JAKMIP3: variants seen among roughly 807,000 people sequenced by gnomAD.
JAKMIP3 encodes Janus kinase and microtubule interacting protein 3.
JAKMIP3 carries 58 observed loss-of-function variants against 118.5 expected under a neutral mutation model. That is an observed-to-expected ratio of 0.49 (90% confidence interval 0.40 to 0.61). The LOEUF is 0.61. JAKMIP3 is among the 20% of genes least tolerant of loss of function. The probability of loss-of-function intolerance (pLI) is 0.00; values close to 1 mark genes in which losing one functional copy is unlikely to be tolerated. For synonymous variants in JAKMIP3, 486 were observed against 451.2 expected, an observed-to-expected ratio of 1.08 and a Z score of -0.98; for missense variants, 950 against 1,109.0, an observed-to-expected ratio of 0.86 and a Z score of 2.04.
At chr10:132,069,695 A>T (rs945636187) in intron 1 of JAKMIP3, among the ~76,000 whole-genome samples, 2 of 152,248 alleles carry the variant, frequency 1.3e-5, no homozygotes, top group Non-Finnish European at 2.9e-5. Context: ...AGCCTGCAGC[A>T]TGGCTCTGGT....
At chr10:132,133,186 G>A in intron 3 of JAKMIP3, 126 bp from the exon 4 acceptor site, 1 of 816,878 alleles carries the variant, frequency 1.2e-6, no homozygotes, top group Non-Finnish European at 2.0e-6. Context: ...CCTGCTCTTA[G>A]TCCAGGATGC....
At chr10:132,092,836 G>C (rs1278793519) in intron 1 of JAKMIP3, among the ~76,000 whole-genome samples, 3 of 152,218 alleles carry the variant, frequency 2.0e-5, no homozygotes, top group African/African-American at 7.2e-5. Flanking sequence ...TGGAGGGGGA[G>C]AGGCGCTCTG....
chr10:132,104,161 C>G (rs545047143), intron 1 of JAKMIP3, among the ~76,000 whole-genome samples: 1 of 152,304 alleles, frequency 6.6e-6, no homozygotes, highest in African/African-American at 2.4e-5. Flanking sequence ...TGGCAGCTAC[C>G]TGGATTGTGC....
rs112498492 is a variant in JAKMIP3 at position 132,145,041 on chromosome 10, G to A, written c.1603-66G>A. 3.6e-5 allele frequency: 49 copies of A among 1,355,196 alleles called. No individual in the cohort carries two copies. The African/African-American group carries it at 4.0e-4, about 11-fold the overall frequency. The allele number at this position is 1,355,196 out of a possible 1,614,324, so 83.9% of individuals were successfully genotyped here. ...AAGACAGACCCTTCTGACGTCCCAC[G>A]AGTGTGTGTGCTGTCTGTCCCAGCT... is the stretch of plus-strand genomic sequence containing the variant. On this transcript the variant is annotated intron_variant, in intron 11 of 23. Coordinates refer to ENST00000684848, the MANE Select transcript of JAKMIP3 (RefSeq NM_001323087.2).
At chr10:132,119,766 T>C (rs749845689) in intron 3 of JAKMIP3, among the ~76,000 whole-genome samples, 1 of 152,250 alleles carries the variant, frequency 6.6e-6, no homozygotes, top group Non-Finnish European at 1.5e-5. Context: ...TTAACCAAAC[T>C]GTTCAAGGGT....
At chr10:132,173,204 C>G (rs1327900823) in intron 23 of JAKMIP3, among the ~76,000 whole-genome samples, 1 of 78,680 alleles carries the variant, frequency 1.3e-5, no homozygotes, top group East Asian at 3.5e-4. Context: ...CTCTCCCCCC[C>G]TCCTTCCCTC....
At chr10:132,145,443 GC>G in intron 12 of JAKMIP3, 74 bp from the exon 13 acceptor site, 1 of 1,358,362 alleles carries the variant, frequency 7.4e-7, no homozygotes, top group East Asian at 2.5e-5. Flanking sequence ...TTGGTGTTCT[GC>G]CACATCACGA....
At chr10:132,039,405 C>A (rs1267699602) in intron 1 of JAKMIP3, among the ~76,000 whole-genome samples, 1 of 150,254 alleles carries the variant, frequency 6.7e-6, no homozygotes, top group East Asian at 2.0e-4. Context: ...CCCCCCATAC[C>A]TGCAACCCCC....
rs560491319 is a variant in JAKMIP3, at chr10:132,056,607, G to A, written c.-138+19869G>A. 2.0e-5 allele frequency among the ~76,000 whole-genome samples: 3 copies of A among 152,336 alleles called. No individual in the cohort carries two copies. The South Asian group carries it at 6.2e-4, about 32-fold the overall frequency. ...CCACGAGGGCCATCGGACTTGGGCA[G>A]TGTGCGCTGGGTTGAAAGCGAGGCA... On this transcript the variant is annotated intron_variant, in intron 1 of 23. Coordinates refer to the JAKMIP3 transcript ENST00000657785.
intron 3 of JAKMIP3, 121 bp from the exon 4 acceptor site, chr10:132,133,191 G>T: frequency 1.2e-6 from 1 of 844,660 alleles, no homozygotes; most frequent in Non-Finnish European, 1.9e-6. Flanking sequence ...TCTTAGTCCA[G>T]GATGCTTCGC....
intron 1 of JAKMIP3, among the ~76,000 whole-genome samples, chr10:132,048,214 C>G (rs1448905143): frequency 6.6e-6 from 1 of 152,234 alleles, no homozygotes; most frequent in Non-Finnish European, 1.5e-5. Flanking sequence ...AAGGGGCTTC[C>G]TTTTGGGAAG....
intron 1 of JAKMIP3, among the ~76,000 whole-genome samples, chr10:132,100,963 C>T (rs2044797462): frequency 6.6e-6 from 1 of 152,156 alleles, no homozygotes; most frequent in African/African-American, 2.4e-5. Context: ...ACCATCCCTG[C>T]TCGTTTTCAT....
intron 3 of JAKMIP3, among the ~76,000 whole-genome samples, chr10:132,123,322 G>A (rs1422331132): frequency 1.3e-5 from 2 of 152,278 alleles, no homozygotes; most frequent in Admixed American, 6.5e-5. Context: ...CGCTCAGCGC[G>A]TTTGCTAAAA....
chr10:132,159,806 C>T (rs145494966), intron 19 of JAKMIP3, among the ~76,000 whole-genome samples: 508 of 16,072 alleles, frequency 0.032, 1 homozygote, highest in Middle Eastern at 0.11. Context: ...GGGGGCCTCT[C>T]GCTGTGTGAT....
At chr10:132,161,839 TA>T (rs1187180638) in intron 19 of JAKMIP3, among the ~76,000 whole-genome samples, 2 of 87,492 alleles carry the variant, frequency 2.3e-5, no homozygotes, top group African/African-American at 8.7e-5. Context: ...TGGGTGAAGC[TA>T]GGGGGTCTTT....
In JAKMIP3 at chr10:132,150,169, A is replaced by G. The variant is rs1001534068; in HGVS notation, c.2007+128A>G. The G allele has an allele frequency of 5.3e-5, 36 of 680,894 alleles. No homozygotes were observed. The African/African-American group carries it at 6.5e-4, about 12-fold the overall frequency. 42.2% of individuals were successfully genotyped at this position (680,894 alleles called of 1,614,324 possible). ...TGGGCCACCCTGCCTGAGACCCTCC[A>G]CTAGGCCCAGAGCCTGCTCAGAATC... On this transcript the variant is annotated intron_variant, in intron 16 of 23. Transcript: ENST00000684848.
chr10:132,140,453 G>A lies in JAKMIP3; in HGVS notation c.1347G>A (p.Pro449=), dbSNP rs558643590. ...ACACGTCGCATTTTGGTCACAAGCCGGTGGTTGTGGAGACCTTCTTTGGAT... is the reference window on the plus strand; with the variant it reads ...ACACGTCGCATTTTGGTCACAAGCCAGTGGTTGTGGAGACCTTCTTTGGAT... ...QRKKMAKLPK[P]VVVETFFGYD... The change falls in exon 10 of 24, where the codon CCG becomes CCA. Residue 449 remains proline (P), a splice_region_variant and synonymous_variant. Coordinates refer to ENST00000684848, the MANE Select transcript of JAKMIP3 (RefSeq NM_001323087.2). 24 of 1,613,748 alleles carry A rather than the reference G, an allele frequency of 1.5e-5. No individual in the cohort carries two copies. Among genetic ancestry groups the A allele is most frequent in the Middle Eastern group, 1.7e-4 (1 of 6,060 alleles).
rs1338562787 is a variant in JAKMIP3 at position 132,159,580 on chromosome 10, G to GTGTGATGCTGGGGGCATGTCTTCCTA, written c.2221-3614_2221-3589dup. On this transcript the variant is annotated intron_variant, in intron 19 of 23. Coordinates refer to ENST00000684848, the MANE Select transcript of JAKMIP3 (RefSeq NM_001323087.2). ...TGATGCTGGGGGGGCGTGTCTCCCT[G>GTGTGATGCTGGGGGCATGTCTTCCTA]TGTGATGCTGGGGGCATGTCTTCCT... Among the ~76,000 whole-genome samples the GTGTGATGCTGGGGGCATGTCTTCCTA allele has an allele frequency of 6.6e-4, 80 of 121,294 alleles. 2 individuals are homozygous for GTGTGATGCTGGGGGCATGTCTTCCTA. The highest frequency in any genetic ancestry group is 2.5e-3 in the African/African-American group (76 of 30,716). The allele number at this position is 121,294 out of a possible 152,430, so 79.6% of individuals were successfully genotyped here.
rs1280097077 is a variant in JAKMIP3 at position 132,179,786 on chromosome 10, G to A, written c.*1104-2571G>A. The stretch of plus-strand genomic sequence containing the variant: ...ACCACAACAGCCACACCATGGCACA[G>A]CCACACCATTATCGCAGCCCTATAA... On this transcript the variant is annotated intron_variant, in intron 23 of 23. Coordinates refer to ENST00000684848, the MANE Select transcript of JAKMIP3 (RefSeq NM_001323087.2). This position sits in a 1 kb window ranked among gnomAD's most constrained non-coding sequence, Gnocchi z 4.3. 2.0e-4 allele frequency among the ~76,000 whole-genome samples: 31 copies of A among 152,162 alleles called. No individual in the cohort carries two copies. Among genetic ancestry groups the A allele is most frequent in the Non-Finnish European group, 4.4e-5 (3 of 68,038 alleles).
Sources: gnomAD v4.1 joint callset for allele counts (sites outside exome capture counted in the v4.1 genomes callset) on GRCh38, gnomAD v4.1.1 for gene constraint, Gnocchi (gnomAD v3.1) non-coding constraint, MANE v1.5 for transcripts, NCBI Gene and HGNC (gene_info 2026-07-23, HGNC 2026-07-21) for gene names.